Variants in NBPF14 observed in about 807,000 individuals in gnomAD.
The protein encoded by NBPF14 is NBPF family member NBPF14.
A neutral mutation model predicts 91.2 loss-of-function variants in NBPF14; 104 were observed. The ratio of observed to expected loss-of-function variants is 1.14; its 90% CI spans 0.97 to 1.34. The LOEUF (loss-of-function observed/expected upper bound fraction) is 1.34, where lower values mean the gene tolerates loss of function less well. Among genes scored for constraint, NBPF14 ranks in the 40% most tolerant of loss-of-function variants. The pLI is 0.00. For synonymous variants in NBPF14, 294 were observed against 303.8 expected (o/e 0.97, Z 0.34); for missense variants, 908 against 783.0 (o/e 1.16, Z -1.91).
chr1:148,533,956 C>A (rs1359259747), exon 70 of NBPF14: 11 of 719,114 alleles, frequency 1.5e-5, no homozygotes, highest in East Asian at 5.1e-5. Context: ...TCCCCTTCCC[C>A]TTCTTTTCAA....
rs1355768670 is a variant in NBPF14, at chr1:148,557,683, C to A, written c.4955-141G>T. ...ATGTGAGAGATATACTTCAGGAGGC[C>A]TGAAAGCTGGTCATGATATTCCTTG... is the stretch of plus-strand genomic sequence containing the variant. On this transcript the variant is annotated intron_variant, in intron 39 of 70. Coordinates refer to ENST00000619423, the Ensembl canonical transcript of NBPF14. 6.4e-6 allele frequency: 4 copies of A among 620,256 alleles called. 1 individual carries two copies. The highest frequency in any genetic ancestry group is 5.1e-5 in the South Asian group (3 of 58,416). 38.4% of individuals were successfully genotyped at this position (620,256 alleles called of 1,614,324 possible).
At chr1:148,534,279 G>A (rs1333563183) in intron 69 of NBPF14, among the ~76,000 whole-genome samples, 4 of 151,758 alleles carry the variant, frequency 2.6e-5, no homozygotes, top group African/African-American at 9.7e-5. Flanking sequence ...ATGATTTCTA[G>A]GAGAAAAACT....
exon 37 of NBPF14, chr1:148,559,896 T>G: frequency 7.8e-7 from 1 of 1,280,800 alleles, no homozygotes; most frequent in Non-Finnish European, 1.1e-6. Flanking sequence ...CTGAAGGAGT[T>G]GAATAACATC....
chr1:148,572,331 C>T (rs1483684204), intron 21 of NBPF14, 112 bp downstream of exon 21: 5 of 268,728 alleles, frequency 1.9e-5, no homozygotes, highest in Non-Finnish European at 2.5e-5. Flanking sequence ...CCCATAGGTC[C>T]TGCCTGCGGC....
In NBPF14 at chr1:148,539,263, A is replaced by G; in HGVS notation, c.7882+147T>C. On this transcript the variant is annotated intron_variant, in intron 63 of 70. Coordinates refer to ENST00000619423, the Ensembl canonical transcript of NBPF14. ...CATGTCTAGGCTTCCAACTGAGACT[A>G]CAGTTTCTTTACAACCTATATGCGC... The G allele has an allele frequency of 8.2e-6, 5 of 612,952 alleles. 1 individual carries two copies. Among genetic ancestry groups the G allele is most frequent in the Non-Finnish European group, 1.4e-5 (5 of 347,200 alleles). The allele number at this position is 612,952 out of a possible 1,614,324, so 38.0% of individuals were successfully genotyped here. A position where few individuals can be genotyped will look rare whatever the true frequency, so the allele number is the denominator to read the frequency against.
rs1655301649 is a variant in NBPF14 at position 148,537,986 on chromosome 1, TC to T, written c.7954del (p.Glu2652ArgfsTer2). 1.3e-5 allele frequency: 5 copies of T among 390,592 alleles called. No homozygotes were observed. Among genetic ancestry groups the T allele is most frequent in the South Asian group, 2.0e-5 (1 of 50,962 alleles). 24.2% of individuals were successfully genotyped at this position (390,592 alleles called of 1,614,324 possible). On this transcript the variant is annotated frameshift_variant, in exon 65 of 71. Transcript: ENST00000619423. LOFTEE classifies it high-confidence loss of function. Reference sequence around the variant, plus strand: ...CTGCAAGACTTCAGGCTCTACTACCTCCAGGAGCTCCCTGCTGAGCCTGGAA... The same window carrying T: ...CTGCAAGACTTCAGGCTCTACTACCTCAGGAGCTCCCTGCTGAGCCTGGAA...
chr1:148,533,307 C>A (rs1221638387), intron 70 of NBPF14, 59 bp from the exon 71 acceptor site: 16 of 503,046 alleles, frequency 3.2e-5, no homozygotes, highest in Admixed American at 4.1e-5. Flanking sequence ...CACAGAGCCC[C>A]AGCTAGATTT....
chr1:148,577,302 A>G, exon 15 of NBPF14: 1 of 619,574 alleles, frequency 1.6e-6, no homozygotes, highest in South Asian at 1.9e-5. Flanking sequence ...ACATCTATCC[A>G]GTGAGTCCTG....
At chr1:148,589,798 T>A (rs1662144709) in intron 6 of NBPF14, among the ~76,000 whole-genome samples, 1 of 147,808 alleles carries the variant, frequency 6.8e-6, no homozygotes. Context: ...AGAGGCACAA[T>A]CTCAGCTCAC....
At position 148,592,640 on chromosome 1, in the gene NBPF14, C is replaced by G. The variant is rs1452838280; in HGVS notation, c.405G>C (p.Glu135Asp). The G allele has an allele frequency of 2.5e-6, 4 of 1,587,668 alleles. 1 individual carries two copies. Among genetic ancestry groups the G allele is most frequent in the Non-Finnish European group, 3.4e-6 (4 of 1,162,088 alleles). Residue 135 changes from glutamate to aspartate, a missense_variant, in exon 4 of 71, where the codon GAG becomes GAC. Around this residue, in one of 13 missense-constraint regions of NBPF14, gnomAD observed 61 missense variants for 56.4 expected, o/e 1.08. Coordinates refer to ENST00000619423, the Ensembl canonical transcript of NBPF14. ...GGTCCTGCCCCTGGGACTTGTCCGG[C>G]TCATACGGAGTGAGGAGGGCCTGGA...
intron 10 of NBPF14, among the ~76,000 whole-genome samples, chr1:148,584,936 C>T (rs1304591785): frequency 6.8e-6 from 1 of 146,904 alleles, no homozygotes; most frequent in African/African-American, 2.5e-5. Flanking sequence ...ACTCAGCTAT[C>T]CCTGTACGGT....
Position 148,592,680 on chromosome 1 carries a change from G to T in NBPF14, c.365C>A (p.Ser122Ter), listed in dbSNP as rs1292973541. 1 of 1,588,438 alleles carries T rather than the reference G, an allele frequency of 6.3e-7. No homozygotes were observed. The highest frequency in any genetic ancestry group is 2.2e-5 in the East Asian group (1 of 44,868). ...GAGGGCCTGGAGATGCTCATACAAT[G>T]AGCGGGAGGCATCTCTCCCTTCCCG... The change falls in exon 4 of 71, where the codon TCA (serine) becomes TAA (stop). Residue 122 changes from serine to a stop codon, truncating the protein, a stop_gained. Transcript: ENST00000619423. LOFTEE classifies it high-confidence loss of function.
intron 69 of NBPF14, 53 bp downstream of exon 69, chr1:148,534,631 C>T (rs1226979222): frequency 4.1e-5 from 37 of 892,410 alleles, no homozygotes; most frequent in Admixed American, 1.2e-4. Context: ...GGAATATCAC[C>T]CCTATCTGGA....
chr1:148,561,812 C>T (rs1396957163), intron 34 of NBPF14, among the ~76,000 whole-genome samples: 1 of 136,500 alleles, frequency 7.3e-6, no homozygotes, highest in Non-Finnish European at 1.5e-5. Flanking sequence ...AACACACACA[C>T]ACACACAGAG....
intron 40 of NBPF14, among the ~76,000 whole-genome samples, chr1:148,557,108 C>G (rs1656728828): frequency 8.0e-6 from 1 of 124,730 alleles, no homozygotes; most frequent in Non-Finnish European, 1.6e-5. Flanking sequence ...AGAGAACGAG[C>G]TCAGTGAATT....
intron 2 of NBPF14, among the ~76,000 whole-genome samples, 166 bp from the exon 3 acceptor site, chr1:148,593,866 G>C (rs1393915550): frequency 2.0e-5 from 3 of 148,160 alleles, no homozygotes; most frequent in South Asian, 2.2e-4. Context: ...TGACTTTCTG[G>C]CATCTGATCC....
intron 14 of NBPF14, among the ~76,000 whole-genome samples, chr1:148,577,626 A>T (rs1323166451): frequency 6.7e-6 from 1 of 149,796 alleles, no homozygotes; most frequent in Non-Finnish European, 1.5e-5. Flanking sequence ...TGACACACTG[A>T]TGAGGGAGTC....
At chr1:148,533,190 T>C (rs1553273449) in exon 71 of NBPF14, 1 of 681,222 alleles carries the variant, frequency 1.5e-6, no homozygotes, top group Non-Finnish European at 2.2e-6. Context: ...GAATAACATC[T>C]ATCCAGTGAG....
chr1:148,558,017 G>A (rs1328460618), intron 39 of NBPF14, among the ~76,000 whole-genome samples: 2 of 26,168 alleles, frequency 7.6e-5, no homozygotes, highest in African/African-American at 5.7e-4. Flanking sequence ...TGCTGAGAGC[G>A]GGCTCAGGTT....
Sources: allele counts gnomAD v4.1 joint callset (sites outside exome capture counted in the v4.1 genomes callset), GRCh38; gene constraint gnomAD v4.1.1; regional missense constraint gnomAD v4.1.1; transcripts MANE v1.5; gene names NCBI Gene and HGNC (gene_info 2026-07-23, HGNC 2026-07-21).